Variants in PCSK5 observed in about 807,000 individuals in gnomAD.
PCSK5 encodes the protein proprotein convertase subtilisin/kexin type 5.
PCSK5 carries 129 observed loss-of-function variants against 233.2 expected under a neutral mutation model. That is an observed-to-expected ratio of 0.55 (90% CI 0.48 to 0.64). The LOEUF (loss-of-function observed/expected upper bound fraction) is 0.64. Among genes scored for constraint, PCSK5 ranks in the 30% least tolerant of loss-of-function variants. The pLI, the probability that PCSK5 is intolerant of heterozygous loss-of-function variation, is 0.00. For synonymous variants in PCSK5, 825 were observed against 879.2 expected (o/e 0.94, Z 1.09); for missense variants, 2,076 against 2,430.1 (o/e 0.85, Z 3.06).
chr9:76,212,242 C>CT (rs1376470347), intron 20 of PCSK5, among the ~76,000 whole-genome samples: 2 of 150,212 alleles, frequency 1.3e-5, no homozygotes, highest in African/African-American at 5.1e-5. Flanking sequence ...ACATGACACT[C>CT]TATCTGGCAA....
In PCSK5 at chr9:76,153,038, G is replaced by A. The variant is rs117559205; in HGVS notation, c.1313-4007G>A. ...TGAATAAAAACTAGCTGTACTTCTG[G>A]TGCAAGATGAAACGGCTTTCCTGAG... On this transcript the variant is annotated intron_variant, in intron 10 of 37. Coordinates refer to ENST00000674117, the MANE Select transcript of PCSK5 (RefSeq NM_001372043.1). Among the ~76,000 whole-genome samples, 278 of 152,248 alleles carry A rather than the reference G, an allele frequency of 1.8e-3. 2 individuals carry two copies. Among genetic ancestry groups the A allele is most frequent in the Admixed American group, 4.4e-3 (67 of 15,290 alleles).
chr9:76,012,070 G>A (rs1204902570), intron 3 of PCSK5, among the ~76,000 whole-genome samples: 1 of 152,090 alleles, frequency 6.6e-6, no homozygotes, highest in Non-Finnish European at 1.5e-5. Context: ...ATTCCCAGAT[G>A]TAGACTTAGT....
intron 20 of PCSK5, among the ~76,000 whole-genome samples, chr9:76,198,166 C>A (rs554869403): frequency 6.6e-6 from 1 of 152,284 alleles, no homozygotes; most frequent in East Asian, 1.9e-4. Flanking sequence ...AAGGGACTTA[C>A]AAGGACAGTT....
intron 10 of PCSK5, among the ~76,000 whole-genome samples, chr9:76,150,631 C>G (rs1194675266): frequency 6.6e-6 from 1 of 152,144 alleles, no homozygotes; most frequent in Non-Finnish European, 1.5e-5. Context: ...GAAACTCCAT[C>G]TCTAAATAAA....
chr9:76,026,865 G>C, intron 4 of PCSK5, 96 bp from the exon 5 acceptor site: 1 of 808,102 alleles, frequency 1.2e-6, no homozygotes, highest in Admixed American at 2.2e-5. Context: ...ATTACTTTCT[G>C]GCAGAAATGT....
intron 5 of PCSK5, among the ~76,000 whole-genome samples, chr9:76,047,785 G>C (rs1165856881): frequency 1.3e-5 from 2 of 152,110 alleles, no homozygotes; most frequent in African/African-American, 4.8e-5. Context: ...CGCAAATGGT[G>C]CTTTGTTTGT....
chr9:75,944,500 C>T (rs1587398694), intron 2 of PCSK5, among the ~76,000 whole-genome samples: 1 of 152,062 alleles, frequency 6.6e-6, no homozygotes, highest in African/African-American at 2.4e-5. Flanking sequence ...CTGACTCCAC[C>T]TTTCACTTGA....
chr9:76,131,595 T>C (rs1018375017), intron 9 of PCSK5, among the ~76,000 whole-genome samples: 1 of 152,162 alleles, frequency 6.6e-6, no homozygotes, highest in Non-Finnish European at 1.5e-5. Flanking sequence ...ATTTCTTCAG[T>C]CTGAGTTTGA....
chr9:75,969,110 C>T (rs1825714966), intron 2 of PCSK5, among the ~76,000 whole-genome samples: 1 of 152,130 alleles, frequency 6.6e-6, no homozygotes, highest in Non-Finnish European at 1.5e-5. Context: ...CTGCTAATTA[C>T]TCCATAAGAA....
At chr9:76,193,151 TG>T in intron 20 of PCSK5, 1 of 1,212,540 alleles carries the variant, frequency 8.2e-7, no homozygotes. Flanking sequence ...TCTGCCTCTC[TG>T]GCCAATCACA....
rs189185015 is a variant in PCSK5, at chr9:75,959,192, A to G, written c.297+26709A>G. On this transcript the variant is annotated intron_variant, in intron 2 of 37. Coordinates refer to ENST00000674117, the MANE Select transcript of PCSK5 (RefSeq NM_001372043.1). ...CAGAGAAGGGAAGACTCTTGAGCCA[A>G]TCTTTAAGAAGAAGTTTGCCAGTGG... Among the ~76,000 whole-genome samples, 28 of 152,334 alleles carry G rather than the reference A, an allele frequency of 1.8e-4. No individual in the cohort carries two copies. In the East Asian group the frequency reaches 4.6e-3, roughly 25 times the overall value.
intron 9 of PCSK5, among the ~76,000 whole-genome samples, chr9:76,130,561 G>A (rs1343736175): frequency 6.6e-6 from 1 of 152,158 alleles, no homozygotes; most frequent in African/African-American, 2.4e-5. Flanking sequence ...TCAATATCAT[G>A]CAACAATCAT....
chr9:76,114,529 A>C (rs1396236574), intron 9 of PCSK5, among the ~76,000 whole-genome samples: 1 of 152,114 alleles, frequency 6.6e-6, no homozygotes, highest in East Asian at 1.9e-4. Flanking sequence ...CCTGGTCAAC[A>C]GGCTCATTCA....
chr9:76,244,946 C>A (rs1455523285), intron 24 of PCSK5, among the ~76,000 whole-genome samples: 1 of 152,118 alleles, frequency 6.6e-6, no homozygotes, highest in Admixed American at 6.6e-5. Flanking sequence ...TAACCAGTAT[C>A]CTGAATGGAA....
chr9:76,180,510 G>T (rs959637772), intron 15 of PCSK5, among the ~76,000 whole-genome samples: 2 of 152,068 alleles, frequency 1.3e-5, no homozygotes, highest in African/African-American at 2.4e-5. Context: ...TGAGCCCCTG[G>T]TGTCTGCTTG....
intron 5 of PCSK5, among the ~76,000 whole-genome samples, chr9:76,048,484 G>T (rs76041058): frequency 6.6e-6 from 1 of 152,134 alleles, no homozygotes; most frequent in Non-Finnish European, 1.5e-5. Context: ...CACTAAGTAC[G>T]TGTGTACCTG....
At chr9:76,019,334 C>G (rs1828082807) in intron 3 of PCSK5, among the ~76,000 whole-genome samples, 1 of 151,648 alleles carries the variant, frequency 6.6e-6, no homozygotes, top group Non-Finnish European at 1.5e-5. Flanking sequence ...TACCCTTTAC[C>G]TAGTTGATTA....
intron 7 of PCSK5, among the ~76,000 whole-genome samples, chr9:76,090,935 C>T (rs1348716405): frequency 1.3e-5 from 2 of 151,258 alleles, no homozygotes; most frequent in Admixed American, 1.3e-4. Context: ...TCGTGAGAAG[C>T]AGGAAACCTA....
chr9:75,967,024 C>G (rs775909212), intron 2 of PCSK5, among the ~76,000 whole-genome samples: 1 of 152,174 alleles, frequency 6.6e-6, no homozygotes. Context: ...AGGAGGTAAT[C>G]CATTTCCTCT....
Sources: gnomAD v4.1 joint callset for allele counts (sites outside exome capture counted in the v4.1 genomes callset) on GRCh38, gnomAD v4.1.1 for gene constraint, MANE v1.5 for transcripts, NCBI Gene and HGNC (gene_info 2026-07-23, HGNC 2026-07-21) for gene names.